ARHGAP44: variants seen among roughly 807,000 people sequenced by gnomAD.
ARHGAP44 encodes the protein rho GTPase-activating protein 44.
Under a neutral mutation model 106.8 loss-of-function variants are expected in ARHGAP44, and 43 were observed. The ratio of observed to expected loss-of-function variants is 0.40; its 90% CI spans 0.32 to 0.52. The LOEUF is 0.52. Ranked by LOEUF, ARHGAP44 falls within the 20% of genes least tolerant of loss-of-function variation. ARHGAP44 has a pLI of 0.48. For missense variants in ARHGAP44, 866 were observed against 1,050.5 expected (o/e 0.82, Z 2.43); for synonymous variants, 439 against 410.3 (o/e 1.07, Z -0.85).
chr17:12,815,542 T>G (rs1174122612), intron 1 of ARHGAP44, among the ~76,000 whole-genome samples: 1 of 152,146 alleles, frequency 6.6e-6, no homozygotes, highest in Non-Finnish European at 1.5e-5. Context: ...TTTAAACTAT[T>G]ATGAAATTAG....
At chr17:12,912,692 G>A (rs957271224) in intron 4 of ARHGAP44, among the ~76,000 whole-genome samples, 1 of 152,146 alleles carries the variant, frequency 6.6e-6, no homozygotes, top group Non-Finnish European at 1.5e-5. Context: ...ACATACAAAG[G>A]ATCAGAAATG....
chr17:12,875,928 G>C (rs1228750629), intron 1 of ARHGAP44, among the ~76,000 whole-genome samples: 5 of 147,776 alleles, frequency 3.4e-5, no homozygotes, highest in African/African-American at 1.2e-4. Flanking sequence ...TGGAGGACAA[G>C]AGCGAGACTT....
At chr17:12,978,813 C>T (rs565793878) in intron 18 of ARHGAP44, among the ~76,000 whole-genome samples, 24 of 152,178 alleles carry the variant, frequency 1.6e-4, no homozygotes, top group Middle Eastern at 3.4e-3. Context: ...CTCAGCCTCC[C>T]GAGTGGCTGG....
At chr17:12,821,816 A>G (rs2034778160) in intron 1 of ARHGAP44, among the ~76,000 whole-genome samples, 1 of 152,194 alleles carries the variant, frequency 6.6e-6, no homozygotes, top group Non-Finnish European at 1.5e-5. Context: ...AAAAAACAAC[A>G]TCTCAGCTTT....
At chr17:12,859,817 G>A (rs1410945450) in intron 1 of ARHGAP44, among the ~76,000 whole-genome samples, 4 of 152,202 alleles carry the variant, frequency 2.6e-5, no homozygotes, top group Non-Finnish European at 5.9e-5. Flanking sequence ...CACATGAGCA[G>A]GCACGGAAAG....
In ARHGAP44 at chr17:12,909,274, C is replaced by T. The variant is rs145747193; in HGVS notation, c.275+301C>T. ...TTCAAATGTCAGAACTTACGAGATT[C>T]TCAGAAAAGCAGCCTTTGCCGATGT... On this transcript the variant is annotated intron_variant, in intron 4 of 20. Transcript: ENST00000379672. 2.2e-4 allele frequency among the ~76,000 whole-genome samples: 34 copies of T among 152,166 alleles called. 2 individuals are homozygous for T. In the South Asian group the frequency reaches 3.5e-3, roughly 16 times the overall value.
Position 12,902,463 on chromosome 17 carries a change from A to G in ARHGAP44, c.198+5952A>G, listed in dbSNP as rs111933805. The stretch of plus-strand genomic sequence containing the variant: ...TCTTCATAGCACATATTAGTATCTG[A>G]AATCACTGTGATCATTTATTTCCAT... On this transcript the variant is annotated intron_variant, in intron 3 of 20. Transcript: ENST00000379672. Among the ~76,000 whole-genome samples, 172 of 152,316 alleles carry G rather than the reference A, an allele frequency of 1.1e-3. 2 individuals are homozygous for G. Among genetic ancestry groups the G allele is most frequent in the African/African-American group, 2.8e-3 (118 of 41,556 alleles).
At chr17:12,808,683 A>G (rs552787718) in intron 1 of ARHGAP44, among the ~76,000 whole-genome samples, 40 of 152,304 alleles carry the variant, frequency 2.6e-4, no homozygotes, top group African/African-American at 9.1e-4. Flanking sequence ...TTCCATGCCC[A>G]TGATAGGAGG....
chr17:12,800,300 G>T (rs554113155), intron 1 of ARHGAP44, among the ~76,000 whole-genome samples: 9 of 152,318 alleles, frequency 5.9e-5, no homozygotes, highest in African/African-American at 2.2e-4. Flanking sequence ...GCACCTTGAG[G>T]TATCAGTAAT....
rs748906405 is a variant in ARHGAP44, at chr17:12,944,157, G to A, written c.822G>A (p.Ala274=). ...SGREIAFPIE[A]CVTMLLECGM... ...GGGAGATCGCCTTCCCCATCGAGGCGTGTGTGACCATGCTGCTTGAGTGTG... is the reference window on the plus strand; with the variant it reads ...GGGAGATCGCCTTCCCCATCGAGGCATGTGTGACCATGCTGCTTGAGTGTG... The change falls in exon 10 of 21, where the codon GCG becomes GCA. Residue 274 remains alanine (A), a synonymous_variant. Transcript: ENST00000379672. 115 of 1,612,206 alleles carry A rather than the reference G, an allele frequency of 7.1e-5. No homozygotes were observed. The East Asian group carries it at 7.1e-4, about 10-fold the overall frequency.
intron 1 of ARHGAP44, among the ~76,000 whole-genome samples, chr17:12,805,819 G>C (rs1481843254): frequency 1.3e-5 from 2 of 152,214 alleles, no homozygotes; most frequent in Non-Finnish European, 2.9e-5. Context: ...ACTAGGCAGA[G>C]GGAGTTGAGC....
Position 12,966,980 on chromosome 17 carries a change from T to C in ARHGAP44, c.1524-6322T>C, listed in dbSNP as rs984787218. 8.5e-5 allele frequency among the ~76,000 whole-genome samples: 13 copies of C among 152,262 alleles called. No homozygotes were observed. In the East Asian group the frequency reaches 2.3e-3, roughly 27 times the overall value. Reference sequence around the variant, plus strand: ...AGTGTATTCTACCTATAGATACCTATTCTTCTTGGAGCTGGGATCTTCCAA... The same window carrying C: ...AGTGTATTCTACCTATAGATACCTACTCTTCTTGGAGCTGGGATCTTCCAA... On this transcript the variant is annotated intron_variant, in intron 16 of 20. Transcript: ENST00000379672.
chr17:12,952,520 A>G lies in ARHGAP44; in HGVS notation c.1075A>G (p.Lys359Glu). Residue 359 changes from lysine to glutamate, a missense_variant, in exon 13 of 21, where the codon AAG becomes GAG. Physicochemically the swap from Lys to Glu is moderately conservative, Grantham distance 56 (BLOSUM62 1). This residue lies in a region of ARHGAP44 where 448 missense variants were observed against 646.9 expected (regional missense o/e 0.69). Coordinates refer to ENST00000379672, the MANE Select transcript of ARHGAP44 (RefSeq NM_014859.6). Reference sequence around the variant, plus strand: ...TCTCAGTGTCCAGGAGCAAGACAAGAAGCTTCAGGCTCTATGGAATGCTTG... The same window carrying G: ...TCTCAGTGTCCAGGAGCAAGACAAGGAGCTTCAGGCTCTATGGAATGCTTG... ...QASNVQEQDK[K>E]LQALWNACEK... The G allele has an allele frequency of 6.3e-7, 1 of 1,580,878 alleles. No homozygotes were observed. The highest frequency in any genetic ancestry group is 8.6e-7 in the Non-Finnish European group (1 of 1,162,744).
chr17:12,979,944 TG>T, intron 18 of ARHGAP44, 113 bp from the exon 19 acceptor site: 1 of 1,156,546 alleles, frequency 8.6e-7, no homozygotes, highest in Non-Finnish European at 1.2e-6. Flanking sequence ...AGACCAGAGC[TG>T]GGACAGACTT....
intron 10 of ARHGAP44, among the ~76,000 whole-genome samples, chr17:12,946,425 C>T (rs1054973725): frequency 1.3e-5 from 2 of 149,906 alleles, no homozygotes; most frequent in African/African-American, 2.5e-5. Flanking sequence ...GTGGGAGGAT[C>T]GCTTGAGCCC....
chr17:12,865,149 T>A (rs2036199249), intron 1 of ARHGAP44, among the ~76,000 whole-genome samples: 1 of 152,210 alleles, frequency 6.6e-6, no homozygotes, highest in African/African-American at 2.4e-5. Flanking sequence ...CCTAGAATTT[T>A]ATGGATAAAG....
intron 6 of ARHGAP44, among the ~76,000 whole-genome samples, chr17:12,925,395 CT>C (rs1256329177): frequency 6.6e-6 from 1 of 152,148 alleles, no homozygotes; most frequent in Non-Finnish European, 1.5e-5. Context: ...GAAGCAGGAA[CT>C]TAAAAAGTGG....
chr17:12,871,270 G>A (rs1683381252), intron 1 of ARHGAP44, among the ~76,000 whole-genome samples: 1 of 152,162 alleles, frequency 6.6e-6, no homozygotes, highest in African/African-American at 2.4e-5. Flanking sequence ...GGGGCCTGGT[G>A]GGAGGTGATT....
chr17:12,896,260 TA>T, intron 2 of ARHGAP44, 146 bp from the exon 3 acceptor site: 1 of 646,146 alleles, frequency 1.5e-6, no homozygotes, highest in Non-Finnish European at 2.6e-6. Flanking sequence ...AAGTATAATT[TA>T]AAAAACAAAC....
Sources: allele counts gnomAD v4.1 joint callset (sites outside exome capture counted in the v4.1 genomes callset), GRCh38; gene constraint gnomAD v4.1.1; regional missense constraint gnomAD v4.1.1; transcripts MANE v1.5; gene names NCBI Gene and HGNC (gene_info 2026-07-23, HGNC 2026-07-21).